Variants in NR2E1 observed in about 807,000 individuals in gnomAD.
NR2E1 encodes nuclear receptor subfamily 2 group E member 1.
A neutral mutation model predicts 43.6 loss-of-function variants in NR2E1; 5 were observed. That is an observed-to-expected ratio of 0.11 (90% confidence interval 0.06 to 0.24). NR2E1 has a LOEUF of 0.24. Among genes scored for constraint, NR2E1 ranks in the 10% least tolerant of loss-of-function variants. The pLI, the probability that NR2E1 is intolerant of heterozygous loss-of-function variation, is 1.00. For synonymous variants in NR2E1, 191 were observed against 195.5 expected (o/e 0.98, Z 0.19); for missense variants, 287 against 496.7 (o/e 0.58, Z 4.01).
Position 108,188,256 on chromosome 6 carries a change from T to A in NR2E1, c.*793T>A, listed in dbSNP as rs979832625. ...ATAAAAACAGCAAAACCAAATAAAGTGGAGATGAGTGATTGAGTGAGGTAG... is the reference window on the plus strand; with the variant it reads ...ATAAAAACAGCAAAACCAAATAAAGAGGAGATGAGTGATTGAGTGAGGTAG... On this transcript the variant is annotated 3_prime_UTR_variant, in exon 9 of 9. Transcript: ENST00000368986. 2 of 151,890 alleles carry A rather than the reference T, an allele frequency of 1.3e-5. No individual in the cohort carries two copies. Among genetic ancestry groups the A allele is most frequent in the African/African-American group, 4.8e-5 (2 of 41,276 alleles). The allele number at this position is 151,890 out of a possible 1,614,324, so 9.4% of individuals were successfully genotyped here.
At chr6:108,171,352 T>A (rs1392123668) in intron 1 of NR2E1, 106 bp from the exon 2 acceptor site, 3 of 1,236,774 alleles carry the variant, frequency 2.4e-6, no homozygotes, top group Non-Finnish European at 3.6e-6. Flanking sequence ...CCTTCAGAGG[T>A]CAGATTGCTT....
chr6:108,177,364 C>T (rs1451642325), intron 4 of NR2E1, among the ~76,000 whole-genome samples: 2 of 152,218 alleles, frequency 1.3e-5, no homozygotes, highest in African/African-American at 2.4e-5. Context: ...GGGCCACAGC[C>T]TGAACCACCT....
chr6:108,181,968 T>C (rs762857991), intron 8 of NR2E1, among the ~76,000 whole-genome samples: 25 of 152,164 alleles, frequency 1.6e-4, no homozygotes, highest in Non-Finnish European at 3.2e-4. Flanking sequence ...CTGGGCACAG[T>C]GGCTCACGCC....
chr6:108,168,208 G>A (rs1198578453), intron 1 of NR2E1: 15 of 1,539,912 alleles, frequency 9.7e-6, no homozygotes, highest in African/African-American at 4.1e-5. Context: ...GGGCGTGAGT[G>A]TCCTTCCCAG....
chr6:108,173,208 T>C lies in NR2E1; in HGVS notation c.171+1605T>C, dbSNP rs118130070. Among the ~76,000 whole-genome samples, 450 of 152,358 alleles carry C rather than the reference T, an allele frequency of 3.0e-3. 4 individuals are homozygous for C. Among genetic ancestry groups the C allele is most frequent in the Non-Finnish European group, 5.3e-3 (359 of 68,032 alleles). On this transcript the variant is annotated intron_variant, in intron 2 of 8. Transcript: ENST00000368986. ...TTCTCTCTGGCGCTAGATATTTATA[T>C]ACATTTGATCTGATTTGAAGACACA...
At chr6:108,175,429 T>G (rs749105767) in intron 3 of NR2E1, among the ~76,000 whole-genome samples, 1 of 152,240 alleles carries the variant, frequency 6.6e-6, no homozygotes, top group African/African-American at 2.4e-5. Context: ...CCAAAATCAG[T>G]ACGGCCATTG....
At chr6:108,167,593 G>C (rs1298126246) in intron 1 of NR2E1, among the ~76,000 whole-genome samples, 2 of 152,076 alleles carry the variant, frequency 1.3e-5, no homozygotes, top group Non-Finnish European at 2.9e-5. Flanking sequence ...AGAATGTGCA[G>C]GCCCGAGCCA....
In NR2E1 at chr6:108,180,956, G is replaced by A. The variant is rs1433019882; in HGVS notation, c.889G>A (p.Val297Ile). ...AAAATGCATCGTCACTTTCAAAGCCGGTAAGCAGACACAGACCCCTGTTTC... is the reference window on the plus strand; with the variant it reads ...AAAATGCATCGTCACTTTCAAAGCCAGTAAGCAGACACAGACCCCTGTTTC... ...CLKCIVTFKA[V>I]PTHSGSELRS... Residue 297 changes from valine (V) to isoleucine (I), a missense_variant and splice_region_variant, in exon 7 of 9, where the codon GTT becomes ATT. Transcript: ENST00000368986. This position sits in a 1 kb window ranked among gnomAD's most constrained non-coding sequence, Gnocchi z 5.4. The A allele has an allele frequency of 3.1e-6, 5 of 1,613,936 alleles. No individual in the cohort carries two copies. The highest frequency in any genetic ancestry group is 4.5e-5 in the East Asian group (2 of 44,888).
intron 3 of NR2E1, among the ~76,000 whole-genome samples, chr6:108,175,252 C>A (rs1351689306): frequency 6.6e-6 from 1 of 152,230 alleles, no homozygotes; most frequent in Non-Finnish European, 1.5e-5. Context: ...TCTTTGCAGC[C>A]CTTCGTGGCC....
rs1773766687 is a variant in NR2E1, at chr6:108,169,362, C to T, written c.26-2096C>T. Among the ~76,000 whole-genome samples, 1 of 152,212 alleles carries T rather than the reference C, an allele frequency of 6.6e-6. No individual in the cohort carries two copies. The highest frequency in any genetic ancestry group is 2.4e-5 in the African/African-American group (1 of 41,470). ...GGAGGGGCCCCCACCCTGCACTGGTCTTCCCTCCACCCTCATCGGGTTCTC... is the reference window on the plus strand; with the variant it reads ...GGAGGGGCCCCCACCCTGCACTGGTTTTCCCTCCACCCTCATCGGGTTCTC... On this transcript the variant is annotated intron_variant, in intron 1 of 8. Coordinates refer to ENST00000368986, the MANE Select transcript of NR2E1 (RefSeq NM_003269.5). The surrounding 1 kb of genome is among the most constrained non-coding windows in gnomAD (Gnocchi z 6.1).
chr6:108,167,963 T>C, intron 1 of NR2E1: 2 of 1,508,638 alleles, frequency 1.3e-6, no homozygotes, highest in Non-Finnish European at 1.8e-6. Flanking sequence ...CATTTTGTTT[T>C]GCTTTGGGTG....
chr6:108,186,666 T>C (rs1185423387), intron 8 of NR2E1, among the ~76,000 whole-genome samples: 1 of 152,222 alleles, frequency 6.6e-6, no homozygotes, highest in Non-Finnish European at 1.5e-5. Context: ...TGAGCACAGA[T>C]ATATGTTGGA....
chr6:108,171,880 C>G (rs989769449), intron 2 of NR2E1, among the ~76,000 whole-genome samples: 5 of 152,158 alleles, frequency 3.3e-5, no homozygotes, highest in African/African-American at 1.2e-4. Context: ...AAGATTTTGA[C>G]ACTGGGTAAG....
chr6:108,167,597 C>G (rs182226050), intron 1 of NR2E1, among the ~76,000 whole-genome samples: 1 of 152,082 alleles, frequency 6.6e-6, no homozygotes, highest in Non-Finnish European at 1.5e-5. Flanking sequence ...TGTGCAGGCC[C>G]GAGCCAGCGT....
rs1774098122 is a variant in NR2E1 at position 108,187,725 on chromosome 6, A to C, written c.*262A>C. ...TGCTGCCATGCCCTGGGAGGGGGCA[A>C]ACTGGGGGTTGCCACAGGCCGTGCC... On this transcript the variant is annotated 3_prime_UTR_variant, in exon 9 of 9. Transcript: ENST00000368986. The C allele has an allele frequency of 2.1e-6, 1 of 465,696 alleles. No homozygotes were observed. The highest frequency in any genetic ancestry group is 4.0e-6 in the Non-Finnish European group (1 of 251,812). 28.8% of individuals were successfully genotyped at this position (465,696 alleles called of 1,614,324 possible). A position where few individuals can be genotyped will look rare whatever the true frequency, so the allele number is the denominator to read the frequency against.
chr6:108,176,665 G>T lies in NR2E1; in HGVS notation c.422G>T (p.Gly141Val), dbSNP rs760986291. The T allele has an allele frequency of 3.7e-6, 6 of 1,603,836 alleles. No homozygotes were observed. In the South Asian group the frequency reaches 5.5e-5, roughly 15 times the overall value. Residue 141 changes from glycine to valine, a missense_variant, in exon 4 of 9, where the codon GGC becomes GTC. Transcript: ENST00000368986. ...FTAVTQLEPH[G>V]LELAAVSTTP... ...GCGGTCACGCAGCTGGAGCCGCACG[G>T]CCTGGAGCTGGCCGCGGTGTCCACC...
In NR2E1 at chr6:108,181,527, T is replaced by C. The variant is rs779158096; in HGVS notation, c.890-19T>C. 2 of 1,597,564 alleles carry C rather than the reference T, an allele frequency of 1.3e-6. No homozygotes were observed. Among genetic ancestry groups the C allele is most frequent in the Non-Finnish European group, 1.7e-6 (2 of 1,164,982 alleles). On this transcript the variant is annotated intron_variant, in intron 7 of 8. Coordinates refer to ENST00000368986, the MANE Select transcript of NR2E1 (RefSeq NM_003269.5). ...AATTTCTATGCTGTCTATCACAGTTTCCTGGTCTTCATTTCTAGTTCCTAC... is the reference window on the plus strand; with the variant it reads ...AATTTCTATGCTGTCTATCACAGTTCCCTGGTCTTCATTTCTAGTTCCTAC...
chr6:108,174,149 C>T (rs1053817510), intron 2 of NR2E1, among the ~76,000 whole-genome samples: 39 of 152,276 alleles, frequency 2.6e-4, no homozygotes, highest in African/African-American at 8.9e-4. Flanking sequence ...CTCTCACCTT[C>T]CAGGAAGGGC....
At chr6:108,178,327 G>C (rs899444321) in intron 5 of NR2E1, 86 bp downstream of exon 5, 12 of 1,435,142 alleles carry the variant, frequency 8.4e-6, no homozygotes, top group Admixed American at 3.4e-5. Flanking sequence ...CTATCCCTGG[G>C]TAAACCACCC....
Sources: gnomAD v4.1 joint callset for allele counts (sites outside exome capture counted in the v4.1 genomes callset) on GRCh38, gnomAD v4.1.1 for gene constraint, Gnocchi (gnomAD v3.1) non-coding constraint, MANE v1.5 for transcripts, NCBI Gene and HGNC (gene_info 2026-07-23, HGNC 2026-07-21) for gene names.